KIAA1958: variants seen among roughly 807,000 people sequenced by gnomAD.
KIAA1958 encodes the protein KIAA1958.
In KIAA1958, 14 loss-of-function variants were observed where a neutral mutation model predicts 47.2. The observed-to-expected ratio is 0.30, with a 90% CI of 0.20 to 0.46. The LOEUF is 0.46. Among genes scored for constraint, KIAA1958 ranks in the 20% least tolerant of loss-of-function variants. KIAA1958 has a pLI of 1.00. For synonymous variants in KIAA1958, 354 were observed against 353.3 expected, an observed-to-expected ratio of 1.00 and a Z score of -0.02; for missense variants, 803 against 909.2, an observed-to-expected ratio of 0.88 and a Z score of 1.50.
intron 1 of KIAA1958, among the ~76,000 whole-genome samples, chr9:112,505,705 T>C (rs748049477): frequency 3.9e-5 from 6 of 152,234 alleles, no homozygotes; most frequent in Non-Finnish European, 8.8e-5. Context: ...TTTACTTTCA[T>C]TTCATTCAGA....
chr9:112,613,168 C>T lies in KIAA1958; in HGVS notation c.1172-32482C>T, dbSNP rs138378550. Among the ~76,000 whole-genome samples, 431 of 152,288 alleles carry T rather than the reference C, an allele frequency of 2.8e-3. 2 individuals are homozygous for T. Among genetic ancestry groups the T allele is most frequent in the African/African-American group, 9.8e-3 (408 of 41,580 alleles). On this transcript the variant is annotated intron_variant, in intron 2 of 3. Transcript: ENST00000337530. Reference sequence around the variant, plus strand: ...GAGATGAGCAGGTGCCTTACTTTTACTCTATACCCATTTGTAGCTTTAGAA... The same window carrying T: ...GAGATGAGCAGGTGCCTTACTTTTATTCTATACCCATTTGTAGCTTTAGAA...
chr9:112,659,246 T>G lies in KIAA1958; in HGVS notation c.1345-17T>G. 1 of 1,599,286 alleles carries G rather than the reference T, an allele frequency of 6.3e-7. No individual in the cohort carries two copies. The highest frequency in any genetic ancestry group is 1.1e-5 in the South Asian group (1 of 89,336). On this transcript the variant is annotated splice_polypyrimidine_tract_variant and intron_variant, in intron 3 of 3. Transcript: ENST00000337530. Reference sequence around the variant, plus strand: ...GTGAGTGTCAAGTGTGTAACCTCCGTGTTTGTCTCATTTGAGATCCCTGCA... The same window carrying G: ...GTGAGTGTCAAGTGTGTAACCTCCGGGTTTGTCTCATTTGAGATCCCTGCA...
At chr9:112,539,587 G>T (rs1834906791) in intron 1 of KIAA1958, among the ~76,000 whole-genome samples, 1 of 152,052 alleles carries the variant, frequency 6.6e-6, no homozygotes, top group Admixed American at 6.5e-5. Context: ...GGGTCATGAA[G>T]ATGTTCTAAA....
chr9:112,583,993 G>A (rs1294047412), intron 2 of KIAA1958, among the ~76,000 whole-genome samples: 1 of 152,114 alleles, frequency 6.6e-6, no homozygotes, highest in African/African-American at 2.4e-5. Context: ...TTGAGCCCGG[G>A]AGTTTAAGGC....
At chr9:112,599,410 A>G (rs1159584213) in intron 2 of KIAA1958, among the ~76,000 whole-genome samples, 8 of 152,182 alleles carry the variant, frequency 5.3e-5, no homozygotes, top group Non-Finnish European at 1.0e-4. Context: ...AGTGAAATGC[A>G]GTCATAGTTG....
chr9:112,518,826 C>T (rs1834485509), intron 1 of KIAA1958, among the ~76,000 whole-genome samples: 2 of 150,404 alleles, frequency 1.3e-5, no homozygotes, highest in South Asian at 4.2e-4. Context: ...GTTCACTAAG[C>T]AGATGCTGGT....
intron 1 of KIAA1958, among the ~76,000 whole-genome samples, chr9:112,498,495 C>G (rs1480192032): frequency 2.6e-5 from 4 of 152,148 alleles, no homozygotes; most frequent in Non-Finnish European, 2.9e-5. Flanking sequence ...AACTTAAAAT[C>G]CATAAAATTC....
intron 2 of KIAA1958, among the ~76,000 whole-genome samples, chr9:112,630,424 C>T (rs1425006755): frequency 3.9e-5 from 6 of 152,130 alleles, no homozygotes; most frequent in South Asian, 2.1e-4. Flanking sequence ...GCAGGAGGAT[C>T]GCTTGAAGCT....
chr9:112,611,204 A>G (rs965451624), intron 2 of KIAA1958, among the ~76,000 whole-genome samples: 4 of 152,156 alleles, frequency 2.6e-5, no homozygotes, highest in African/African-American at 9.7e-5. Flanking sequence ...GTTTTTTAAC[A>G]TGTTCTAGAG....
chr9:112,629,151 A>G (rs1219158242), intron 2 of KIAA1958, among the ~76,000 whole-genome samples: 1 of 152,140 alleles, frequency 6.6e-6, no homozygotes, highest in Non-Finnish European at 1.5e-5. Flanking sequence ...TGGGAATAAA[A>G]AGATTTATCA....
chr9:112,610,366 G>GA (rs1330907721), intron 2 of KIAA1958, among the ~76,000 whole-genome samples: 1 of 151,846 alleles, frequency 6.6e-6, no homozygotes, highest in Non-Finnish European at 1.5e-5. Flanking sequence ...CAGAGTATTA[G>GA]AAAAAAGTAG....
intron 2 of KIAA1958, among the ~76,000 whole-genome samples, chr9:112,634,238 C>CT (rs1329691484): frequency 6.6e-6 from 1 of 151,906 alleles, no homozygotes; most frequent in Non-Finnish European, 1.5e-5. Flanking sequence ...AAATTTTGTC[C>CT]TTTTTTTGGG....
intron 1 of KIAA1958, among the ~76,000 whole-genome samples, chr9:112,491,664 G>C (rs896048083): frequency 6.9e-6 from 1 of 145,588 alleles, no homozygotes; most frequent in African/African-American, 2.5e-5. Context: ...TTTTTTGTTT[G>C]TTAATCATCA....
intron 2 of KIAA1958, among the ~76,000 whole-genome samples, chr9:112,641,327 CTTTT>C (rs1230148640): frequency 9.8e-6 from 1 of 101,988 alleles, no homozygotes; most frequent in Admixed American, 1.0e-4. Flanking sequence ...GAGACTATGT[CTTTT>C]TTTTTTTTTT....
chr9:112,527,936 C>CAA (rs34568466), intron 1 of KIAA1958, among the ~76,000 whole-genome samples: 2 of 124,956 alleles, frequency 1.6e-5, no homozygotes, highest in African/African-American at 3.0e-5. Flanking sequence ...GACCCTTTCT[C>CAA]AAAAAAAAAA....
At chr9:112,559,546 T>A (rs986364424) in intron 1 of KIAA1958, among the ~76,000 whole-genome samples, 1 of 152,206 alleles carries the variant, frequency 6.6e-6, no homozygotes, top group African/African-American at 2.4e-5. Context: ...GCCAGGGCAG[T>A]TCCAGTGGAG....
intron 3 of KIAA1958, 98 bp downstream of exon 3, chr9:112,645,920 T>G: frequency 1.0e-6 from 1 of 993,538 alleles, no homozygotes; most frequent in Non-Finnish European, 1.4e-6. Context: ...GAACGGTGGC[T>G]TTCTGCCTGG....
chr9:112,530,009 A>T (rs1427505853), intron 1 of KIAA1958, among the ~76,000 whole-genome samples: 3 of 151,892 alleles, frequency 2.0e-5, no homozygotes, highest in African/African-American at 7.3e-5. Flanking sequence ...ACGCCCAGCT[A>T]ATTTTTTGTT....
intron 1 of KIAA1958, among the ~76,000 whole-genome samples, chr9:112,533,577 T>TCCC (rs78780277): frequency 4.9e-4 from 6 of 12,168 alleles, no homozygotes; most frequent in Middle Eastern, 0.022. Context: ...CGAGACTCCA[T>TCCC]CCCAAAAAAA....
Sources: allele counts gnomAD v4.1 joint callset (sites outside exome capture counted in the v4.1 genomes callset), GRCh38; gene constraint gnomAD v4.1.1; transcripts MANE v1.5; gene names NCBI Gene and HGNC (gene_info 2026-07-23, HGNC 2026-07-21).